FUS: variants seen among roughly 807,000 people sequenced by gnomAD.
FUS encodes the protein RNA-binding protein FUS.
FUS carries 5 observed loss-of-function variants against 82.7 expected under a neutral mutation model. The ratio of observed to expected loss-of-function variants is 0.06; its 90% CI spans 0.03 to 0.13. The LOEUF (loss-of-function observed/expected upper bound fraction) is 0.13. FUS is among the 10% of genes least tolerant of loss of function. The pLI, the probability that FUS is intolerant of heterozygous loss-of-function variation, is 1.00. For missense variants in FUS, 512 were observed against 707.8 expected (o/e 0.72, Z 3.14); for synonymous variants, 281 against 247.4 (o/e 1.14, Z -1.27).
At chr16:31,185,400 T>C (rs2079253281) in intron 6 of FUS, 4 of 642,070 alleles carry the variant, frequency 6.2e-6, no homozygotes, top group Non-Finnish European at 1.1e-5. Context: ...ATAGAGATTT[T>C]GAGTAATGAT....
chr16:31,182,213 A>T lies in FUS; in HGVS notation c.14-185A>T, dbSNP rs538813658. The T allele has an allele frequency of 4.5e-5, 31 of 694,112 alleles. 1 individual carries two copies. The Middle Eastern group carries it at 1.5e-3, about 33-fold the overall frequency. The allele number at this position is 694,112 out of a possible 1,614,324, so 43.0% of individuals were successfully genotyped here. On this transcript the variant is annotated intron_variant, in intron 1 of 14. Transcript: ENST00000254108. Reference sequence around the variant, plus strand: ...ACCATGTTGGTCAGGCCAGTCTCGAATTCCTGACCTCAAGTGATCCACCCA... The same window carrying T: ...ACCATGTTGGTCAGGCCAGTCTCGATTTCCTGACCTCAAGTGATCCACCCA...
chr16:31,191,738 T>A, downstream of FUS: 1 of 642,354 alleles, frequency 1.6e-6, no homozygotes, highest in Non-Finnish European at 2.9e-6. Flanking sequence ...GGCCAAATGA[T>A]ATCCTTGAGA....
chr16:31,180,721 T>C, intron 1 of FUS, among the ~76,000 whole-genome samples: 1 of 152,146 alleles, frequency 6.6e-6, no homozygotes, highest in East Asian at 1.9e-4. Context: ...GCGGCGCGCG[T>C]CCGGTGTGAG....
chr16:31,193,652 GTGGGTAGGTCCAGTTTGGGGGGA>G (rs1364534119), downstream of FUS: 1 of 530,892 alleles, frequency 1.9e-6, no homozygotes. Context: ...TGACTGTTTA[GTGGGTAGGTCCAGTTTGGGGGGA>G]TCTTCCAGGA....
At chr16:31,189,573 G>A (rs2144132050) in intron 9 of FUS, 92 bp from the exon 10 acceptor site, 1 of 1,566,544 alleles carries the variant, frequency 6.4e-7, no homozygotes, top group East Asian at 2.2e-5. Flanking sequence ...GCTGAAGTTT[G>A]GGAATTATAA....
chr16:31,194,014 T>C (rs745815469), downstream of FUS: 1 of 533,298 alleles, frequency 1.9e-6, no homozygotes, highest in South Asian at 1.5e-5. Context: ...TTTTTGTGAG[T>C]TGGAATTGGG....
chr16:31,184,869 T>C, intron 5 of FUS, 70 bp from the exon 6 acceptor site: 2 of 1,543,312 alleles, frequency 1.3e-6, no homozygotes, highest in Non-Finnish European at 1.8e-6. Flanking sequence ...GTCAAACCTT[T>C]TCAAACCTTT....
chr16:31,183,501 C>A, intron 3 of FUS: 1 of 298,330 alleles, frequency 3.4e-6, no homozygotes, highest in South Asian at 3.6e-5. Context: ...TGGGATTTGC[C>A]CCAAGGTCCT....
intron 1 of FUS, among the ~76,000 whole-genome samples, chr16:31,180,955 C>G (rs2058050866): frequency 6.6e-6 from 1 of 152,124 alleles, no homozygotes. Context: ...CTCTGTCGCC[C>G]AGGCTGGAGT....
chr16:31,188,496 A>G (rs2144127917), intron 8 of FUS, 139 bp downstream of exon 8: 2 of 868,984 alleles, frequency 2.3e-6, no homozygotes, highest in East Asian at 4.8e-5. Flanking sequence ...GTCCTTAGTT[A>G]GCAGTGAGAA....
At chr16:31,181,987 G>A (rs1004110016) in intron 1 of FUS, among the ~76,000 whole-genome samples, 1 of 151,850 alleles carries the variant, frequency 6.6e-6, no homozygotes, top group Non-Finnish European at 1.5e-5. Flanking sequence ...TATGCCCTTT[G>A]TTGCAACATG....
At chr16:31,190,528 A>C in intron 12 of FUS, 130 bp downstream of exon 12, 1 of 1,420,264 alleles carries the variant, frequency 7.0e-7, no homozygotes, top group South Asian at 1.2e-5. Flanking sequence ...GATTTAGCCA[A>C]AAGCTTACCT....
Position 31,182,524 on chromosome 16 carries a change from A to C in FUS, c.50A>C (p.Tyr17Ser), listed in dbSNP as rs746625098. The C allele has an allele frequency of 1.2e-6, 2 of 1,613,822 alleles. No homozygotes were observed. The highest frequency in any genetic ancestry group is 1.7e-6 in the Non-Finnish European group (2 of 1,179,984). ...TTCCTTTTATTTAGCTATGGGGCCT[A>C]CCCCACCCAGCCCGGGCAGGGCTAT... ...TQQATQSYGAYPTQPGQGYSQ... is the reference protein window; with the variant it reads ...TQQATQSYGASPTQPGQGYSQ... The change falls in exon 3 of 15, where the codon TAC (tyrosine) becomes TCC (serine). Residue 17 changes from tyrosine to serine, a missense_variant. Tyr to Ser is a moderately radical substitution (Grantham distance 144). Coordinates refer to ENST00000254108, the MANE Select transcript of FUS (RefSeq NM_004960.4).
At chr16:31,186,684 C>T in intron 6 of FUS, 118 bp from the exon 7 acceptor site, 1 of 914,718 alleles carries the variant, frequency 1.1e-6, no homozygotes, top group African/African-American at 1.6e-5. Flanking sequence ...TTAGTAGCCA[C>T]TTGTATCTTT....
At chr16:31,180,286 C>G in intron 1 of FUS, 59 bp downstream of exon 1, 1 of 1,574,168 alleles carries the variant, frequency 6.4e-7, no homozygotes, top group Non-Finnish European at 8.6e-7. Context: ...CCCAGCTGGG[C>G]TTTTCGTTTT....
intron 3 of FUS, 149 bp from the exon 4 acceptor site, chr16:31,183,709 G>T: frequency 2.2e-6 from 2 of 919,152 alleles, no homozygotes; most frequent in East Asian, 2.5e-5. Context: ...TGAAAGGAGG[G>T]TAACTATCTT....
chr16:31,192,136 G>A (rs1021364764), downstream of FUS: 2 of 530,490 alleles, frequency 3.8e-6, no homozygotes, highest in Admixed American at 4.5e-5. Context: ...AACAGCGCTT[G>A]GGTAGATACC....
At chr16:31,190,637 CTTCAGT>C in intron 12 of FUS, 99 bp from the exon 13 acceptor site, 1 of 1,257,496 alleles carries the variant, frequency 8.0e-7, no homozygotes, top group South Asian at 1.2e-5. Context: ...CTTTCTGAAG[CTTCAGT>C]TTCCTCACTG....
At chr16:31,187,148 A>G in intron 7 of FUS, 1 of 476,996 alleles carries the variant, frequency 2.1e-6, no homozygotes, top group East Asian at 3.4e-5. Context: ...GAAACTGGAG[A>G]GTGCGTGCTG....
Sources: allele counts gnomAD v4.1 joint callset (sites outside exome capture counted in the v4.1 genomes callset), GRCh38; gene constraint gnomAD v4.1.1; transcripts MANE v1.5; gene names NCBI Gene and HGNC (gene_info 2026-07-23, HGNC 2026-07-21).